Variants in LIPK observed in about 807,000 individuals in gnomAD.
The protein encoded by LIPK is lipase member K.
Under a neutral mutation model 48.6 loss-of-function variants are expected in LIPK, and 32 were observed. The ratio of observed to expected loss-of-function variants is 0.66; its 90% CI spans 0.50 to 0.88. The LOEUF (loss-of-function observed/expected upper bound fraction) is 0.88. Ranked by LOEUF, LIPK falls within the 40% of genes least tolerant of loss-of-function variation. The probability of loss-of-function intolerance (pLI) is 0.00; values close to 1 mark genes in which losing one functional copy is unlikely to be tolerated. For missense variants in LIPK, 507 were observed against 478.5 expected, an observed-to-expected ratio of 1.06 and a Z score of -0.56; for synonymous variants, 164 against 157.4, an observed-to-expected ratio of 1.04 and a Z score of -0.32.
At chr10:88,737,096 T>C (rs867781558) in intron 6 of LIPK, among the ~76,000 whole-genome samples, 2 of 152,190 alleles carry the variant, frequency 1.3e-5, no homozygotes, top group Admixed American at 6.5e-5. Context: ...TGAAGGATTC[T>C]GGAAGGAATG....
At chr10:88,747,410 T>C (rs1305641802) in intron 9 of LIPK, among the ~76,000 whole-genome samples, 1 of 152,172 alleles carries the variant, frequency 6.6e-6, no homozygotes, top group Non-Finnish European at 1.5e-5. Flanking sequence ...ATCAAAAAGC[T>C]AGTCCACAAC....
At chr10:88,717,479 G>A (rs1412811471) in intron 1 of LIPK, among the ~76,000 whole-genome samples, 1 of 152,068 alleles carries the variant, frequency 6.6e-6, no homozygotes, top group African/African-American at 2.4e-5. Context: ...GGTGGCATAG[G>A]CATTTTTAAG....
At chr10:88,751,591 A>C (rs1008718770) in intron 9 of LIPK, among the ~76,000 whole-genome samples, 1 of 152,112 alleles carries the variant, frequency 6.6e-6, no homozygotes, top group Admixed American at 6.6e-5. Context: ...TAATAGTGAA[A>C]ATGTATAACT....
intron 9 of LIPK, among the ~76,000 whole-genome samples, chr10:88,752,091 C>T (rs776117149): frequency 6.6e-6 from 1 of 152,156 alleles, no homozygotes; most frequent in South Asian, 2.1e-4. Context: ...GGTCTCAATG[C>T]TCCCTGAAGA....
Position 88,737,645 on chromosome 10 carries a change from GTGA to G in LIPK, c.681_683del (p.Asp228del). ...TAAATTATCTTGTAGGTGTTGTTTG[GTGA>G]CAAAATGTTCCACCCTCATACATTG... On this transcript the variant is annotated inframe_deletion, in exon 7 of 10. Coordinates refer to ENST00000404190, the MANE Select transcript of LIPK (RefSeq NM_001080518.2). The G allele has an allele frequency of 6.2e-7, 1 of 1,613,372 alleles. No individual in the cohort carries two copies. Among genetic ancestry groups the G allele is most frequent in the Non-Finnish European group, 8.5e-7 (1 of 1,179,564 alleles).
chr10:88,717,448 T>C (rs1048086880), intron 1 of LIPK, among the ~76,000 whole-genome samples: 4 of 152,182 alleles, frequency 2.6e-5, no homozygotes, highest in African/African-American at 9.7e-5. Context: ...CTTTGGAACT[T>C]TGCAACAACC....
intron 9 of LIPK, among the ~76,000 whole-genome samples, chr10:88,745,389 C>T (rs1443720736): frequency 6.6e-6 from 1 of 152,102 alleles, no homozygotes; most frequent in Non-Finnish European, 1.5e-5. Context: ...AGAGAAGGGG[C>T]AGTTCACCAA....
chr10:88,746,263 C>T (rs773283674), intron 9 of LIPK, among the ~76,000 whole-genome samples: 19 of 152,256 alleles, frequency 1.2e-4, no homozygotes, highest in African/African-American at 4.3e-4. Context: ...AAACTTGACA[C>T]CTAACCAAAT....
Position 88,732,481 on chromosome 10 carries a change from C to T in LIPK, c.599C>T (p.Pro200Leu). 2 of 1,613,742 alleles carry T rather than the reference C, an allele frequency of 1.2e-6. No homozygotes were observed. The highest frequency in any genetic ancestry group is 2.2e-5 in the South Asian group (2 of 91,020). Residue 200 changes from proline (P) to leucine (L), a missense_variant, in exon 6 of 10, where the codon CCA becomes CTA. Transcript: ENST00000404190. ...ATTAAGATATTTTTTGCACTGGCTC[C>T]AGTTGTCACAGTTAAATACACCCAA... ...KKIKIFFALA[P>L]VVTVKYTQSP...
chr10:88,743,247 T>A lies in LIPK; in HGVS notation c.889-3T>A. ...TTATTTTAACGTGCTTATTTTATTT[T>A]AGGCTGTTAATTCTGGTCAGCTCCA... On this transcript the variant is annotated splice_region_variant and splice_polypyrimidine_tract_variant and intron_variant, in intron 8 of 9. Coordinates refer to ENST00000404190, the MANE Select transcript of LIPK (RefSeq NM_001080518.2). 1.3e-6 allele frequency: 2 copies of A among 1,574,014 alleles called. No individual in the cohort carries two copies. Among genetic ancestry groups the A allele is most frequent in the Non-Finnish European group, 1.7e-6 (2 of 1,155,812 alleles).
chr10:88,727,216 T>C (rs1289408689), intron 3 of LIPK, among the ~76,000 whole-genome samples: 1 of 152,198 alleles, frequency 6.6e-6, no homozygotes, highest in Non-Finnish European at 1.5e-5. Context: ...ATCAGAAATC[T>C]AGGGGTTATT....
At chr10:88,734,164 T>A (rs927298002) in intron 6 of LIPK, among the ~76,000 whole-genome samples, 4 of 152,214 alleles carry the variant, frequency 2.6e-5, no homozygotes, top group Admixed American at 6.5e-5. Context: ...AATTCCAGTA[T>A]TATAATGACA....
At chr10:88,739,170 C>CAACT (rs138772343) in intron 7 of LIPK, among the ~76,000 whole-genome samples, 1 of 151,834 alleles carries the variant, frequency 6.6e-6, no homozygotes, top group Non-Finnish European at 1.5e-5. Flanking sequence ...CTAAATATAC[C>CAACT]GACTGAATTA....
intron 9 of LIPK, among the ~76,000 whole-genome samples, chr10:88,750,345 C>G (rs1484976270): frequency 6.6e-6 from 1 of 152,128 alleles, no homozygotes; most frequent in East Asian, 1.9e-4. Flanking sequence ...CAAAAAGACA[C>G]ATGTACCCGT....
At chr10:88,743,682 T>C (rs1842721122) in intron 9 of LIPK, among the ~76,000 whole-genome samples, 1 of 152,118 alleles carries the variant, frequency 6.6e-6, no homozygotes, top group Admixed American at 6.6e-5. Flanking sequence ...TGGAACACTC[T>C]GAGCAGATCT....
intron 1 of LIPK, among the ~76,000 whole-genome samples, chr10:88,716,223 A>T (rs1269505101): frequency 1.3e-5 from 2 of 152,314 alleles, no homozygotes; most frequent in Non-Finnish European, 2.9e-5. Flanking sequence ...AAAACTTTTT[A>T]AAAAGAATGA....
chr10:88,725,629 T>C lies in LIPK; in HGVS notation c.105+981T>C, dbSNP rs1468935696. ...CTTTTTATCTCTTCCTGGTATATAATCTTGGATAAATTGTTAATCTACCTG... is the reference window on the plus strand; with the variant it reads ...CTTTTTATCTCTTCCTGGTATATAACCTTGGATAAATTGTTAATCTACCTG... On this transcript the variant is annotated intron_variant, in intron 2 of 9. Transcript: ENST00000404190. Among the ~76,000 whole-genome samples, 3 of 152,238 alleles carry C rather than the reference T, an allele frequency of 2.0e-5. No individual in the cohort carries two copies. In the East Asian group the frequency reaches 5.8e-4, roughly 29 times the overall value.
At chr10:88,722,889 C>CTTTTTTCTTTTTTTTTT (rs1554954608) in intron 1 of LIPK, among the ~76,000 whole-genome samples, 10 of 113,204 alleles carry the variant, frequency 8.8e-5, no homozygotes, top group African/African-American at 2.9e-4. Flanking sequence ...TTTCTTTTTT[C>CTTTTTTCTTTTTTTTTT]TTTTTTTTTT....
intron 8 of LIPK, among the ~76,000 whole-genome samples, chr10:88,742,115 A>G (rs545674562): frequency 6.6e-6 from 1 of 152,312 alleles, no homozygotes; most frequent in African/African-American, 2.4e-5. Context: ...AGATCTTGTG[A>G]GAACTCACTC....
Sources: gnomAD v4.1 joint callset for allele counts (sites outside exome capture counted in the v4.1 genomes callset) on GRCh38, gnomAD v4.1.1 for gene constraint, MANE v1.5 for transcripts, NCBI Gene and HGNC (gene_info 2026-07-23, HGNC 2026-07-21) for gene names.